CADM2: variants seen among roughly 807,000 people sequenced by gnomAD.
CADM2 encodes immunoglobulin superfamily member 4D.
A neutral mutation model predicts 49.8 loss-of-function variants in CADM2; 12 were observed. That is an observed-to-expected ratio of 0.24 (90% confidence interval 0.15 to 0.39). The LOEUF (loss-of-function observed/expected upper bound fraction) is 0.39, where lower values mean the gene tolerates loss of function less well. Among genes scored for constraint, CADM2 ranks in the 10% least tolerant of loss-of-function variants. The probability of loss-of-function intolerance (pLI) is 1.00; values close to 1 mark genes in which losing one functional copy is unlikely to be tolerated. For missense variants in CADM2, 378 were observed against 492.3 expected (o/e 0.77, Z 2.20); for synonymous variants, 214 against 175.4 (o/e 1.22, Z -1.74).
At chr3:85,925,201 A>G (rs889408128) in intron 6 of CADM2, among the ~76,000 whole-genome samples, 2 of 152,156 alleles carry the variant, frequency 1.3e-5, no homozygotes, top group African/African-American at 2.4e-5. Context: ...TGGTGTCTAC[A>G]ATATTGAGTT....
At chr3:85,308,703 C>A (rs2044274306) in intron 1 of CADM2, among the ~76,000 whole-genome samples, 1 of 151,900 alleles carries the variant, frequency 6.6e-6, no homozygotes, top group South Asian at 2.1e-4. Context: ...ATAGAAAGAG[C>A]TTTGCAGTGT....
At chr3:85,941,724 T>C (rs1001119582) in intron 7 of CADM2, among the ~76,000 whole-genome samples, 6 of 152,000 alleles carry the variant, frequency 3.9e-5, no homozygotes, top group Non-Finnish European at 7.4e-5. Flanking sequence ...AGCAGTTTTA[T>C]TGAGTGAAAG....
intron 1 of CADM2, among the ~76,000 whole-genome samples, chr3:85,135,031 A>G (rs145213279): frequency 2.0e-3 from 308 of 152,090 alleles, no homozygotes; most frequent in Admixed American, 3.4e-3. Flanking sequence ...TGTAATTTTT[A>G]ACAAAAAAAG....
chr3:85,797,356 A>G (rs770517725), intron 2 of CADM2, among the ~76,000 whole-genome samples: 1 of 152,036 alleles, frequency 6.6e-6, no homozygotes, highest in Non-Finnish European at 1.5e-5. Flanking sequence ...TGCTGCACCT[A>G]TCAACCCATC....
chr3:85,229,972 T>TTTGTAAGA (rs2042250659), intron 1 of CADM2, among the ~76,000 whole-genome samples: 3 of 152,238 alleles, frequency 2.0e-5, no homozygotes, highest in African/African-American at 7.2e-5. Flanking sequence ...ACTTGTGTTA[T>TTTGTAAGA]TAAACTGATG....
chr3:85,709,322 T>A (rs1209004061), intron 1 of CADM2, among the ~76,000 whole-genome samples: 1 of 152,200 alleles, frequency 6.6e-6, no homozygotes, highest in Non-Finnish European at 1.5e-5. Context: ...TTAAGCAGGC[T>A]AAACTGCTAT....
chr3:84,972,418 T>G (rs1430643319), intron 1 of CADM2, among the ~76,000 whole-genome samples: 1 of 152,234 alleles, frequency 6.6e-6, no homozygotes, highest in Non-Finnish European at 1.5e-5. Context: ...ACAGATTTTT[T>G]ATTGTGATAT....
At chr3:85,747,965 TATA>T (rs1420602420) in intron 2 of CADM2, among the ~76,000 whole-genome samples, 2 of 152,126 alleles carry the variant, frequency 1.3e-5, no homozygotes, top group African/African-American at 2.4e-5. Flanking sequence ...AACTTTTTGA[TATA>T]AAGGAGTTTC....
At chr3:85,274,439 A>T (rs945503690) in intron 1 of CADM2, among the ~76,000 whole-genome samples, 2 of 151,354 alleles carry the variant, frequency 1.3e-5, no homozygotes, top group African/African-American at 4.8e-5. Flanking sequence ...TATGTAGCAG[A>T]GAGCAGCAAC....
intron 8 of CADM2, among the ~76,000 whole-genome samples, chr3:86,005,887 T>C (rs1485734968): frequency 6.6e-6 from 1 of 152,110 alleles, no homozygotes; most frequent in Admixed American, 6.6e-5. Context: ...TCCCAGCCTC[T>C]GGTAGCCATC....
chr3:85,571,893 G>A (rs2062490069), intron 1 of CADM2, among the ~76,000 whole-genome samples: 6 of 152,146 alleles, frequency 3.9e-5, no homozygotes, highest in Admixed American at 3.9e-4. Context: ...CAGAAGTTTA[G>A]TCATGGTATA....
At chr3:85,626,557 A>G (rs953876960) in intron 1 of CADM2, among the ~76,000 whole-genome samples, 3 of 151,940 alleles carry the variant, frequency 2.0e-5, no homozygotes, top group Non-Finnish European at 4.4e-5. Flanking sequence ...ATATATTTTT[A>G]TAATTATACC....
chr3:85,503,503 C>T (rs1046680006), intron 1 of CADM2, among the ~76,000 whole-genome samples: 4 of 152,170 alleles, frequency 2.6e-5, no homozygotes, highest in African/African-American at 9.6e-5. Flanking sequence ...GAATGTAACA[C>T]AATCTAGATC....
intron 1 of CADM2, among the ~76,000 whole-genome samples, chr3:85,156,384 T>C (rs1416907870): frequency 2.0e-5 from 3 of 151,674 alleles, no homozygotes; most frequent in African/African-American, 2.4e-5. Flanking sequence ...AAGAAATGGA[T>C]AAATTCCTCG....
intron 1 of CADM2, among the ~76,000 whole-genome samples, chr3:85,217,450 C>T (rs1362975810): frequency 6.6e-6 from 1 of 151,996 alleles, no homozygotes; most frequent in Non-Finnish European, 1.5e-5. Flanking sequence ...CATTATGTTG[C>T]ATCTAATTAG....
At chr3:85,393,492 G>T (rs553892818) in intron 1 of CADM2, among the ~76,000 whole-genome samples, 2 of 152,062 alleles carry the variant, frequency 1.3e-5, no homozygotes, top group Non-Finnish European at 2.9e-5. Context: ...CTCTAAGAAG[G>T]GCTCAGAATT....
At chr3:85,916,742 A>G (rs1315591917) in intron 6 of CADM2, among the ~76,000 whole-genome samples, 3 of 151,840 alleles carry the variant, frequency 2.0e-5, no homozygotes, top group South Asian at 2.1e-4. Context: ...CTGAGGAATC[A>G]CCACACTGAC....
intron 4 of CADM2, among the ~76,000 whole-genome samples, chr3:85,884,665 CT>C (rs768310970): frequency 8.6e-5 from 13 of 150,906 alleles, no homozygotes; most frequent in Non-Finnish European, 1.6e-4. Flanking sequence ...TTTCATGTAT[CT>C]TTGTTGTTCC....
At chr3:86,011,661 G>T (rs1007508251) in intron 8 of CADM2, among the ~76,000 whole-genome samples, 1 of 152,082 alleles carries the variant, frequency 6.6e-6, no homozygotes, top group Non-Finnish European at 1.5e-5. Context: ...GCACAATTGG[G>T]ACAGCCAATG....
Sources: allele counts gnomAD v4.1 joint callset (sites outside exome capture counted in the v4.1 genomes callset), GRCh38; gene constraint gnomAD v4.1.1; transcripts MANE v1.5; gene names NCBI Gene and HGNC (gene_info 2026-07-23, HGNC 2026-07-21).